Variants in DGKB observed in about 807,000 individuals in gnomAD.
DGKB encodes the protein 90 kDa diacylglycerol kinase.
DGKB carries 67 observed loss-of-function variants against 114.3 expected under a neutral mutation model. The observed-to-expected ratio is 0.59, with a 90% CI of 0.48 to 0.72. The LOEUF (loss-of-function observed/expected upper bound fraction) is 0.72. Ranked by LOEUF, DGKB falls within the 30% of genes least tolerant of loss-of-function variation. The pLI, the probability that DGKB is intolerant of heterozygous loss-of-function variation, is 0.00. For synonymous variants in DGKB, 398 were observed against 323.1 expected, an observed-to-expected ratio of 1.23 and a Z score of -2.49; for missense variants, 907 against 975.2, an observed-to-expected ratio of 0.93 and a Z score of 0.93.
chr7:14,200,458 A>G (rs1023364178), intron 23 of DGKB, among the ~76,000 whole-genome samples: 4 of 152,020 alleles, frequency 2.6e-5, no homozygotes, highest in African/African-American at 9.7e-5. Flanking sequence ...AGCCGTCCTC[A>G]TTTTTACACA....
chr7:14,696,501 C>CAAAA lies in DGKB; in HGVS notation c.591+1590_591+1593dup, dbSNP rs35486620. 3.2e-3 allele frequency among the ~76,000 whole-genome samples: 142 copies of CAAAA among 45,076 alleles called. 3 individuals carry two copies. Among genetic ancestry groups the CAAAA allele is most frequent in the East Asian group, 8.4e-3 (4 of 478 alleles). 29.6% of individuals were successfully genotyped at this position (45,076 alleles called of 152,430 possible). Reference sequence around the variant, plus strand: ...TGGGCGACAGAGCGAGACTCCGTCTCAAAAAAAAAAAAAAAAAAAAAAAAA... The same window carrying CAAAA: ...TGGGCGACAGAGCGAGACTCCGTCTCAAAAAAAAAAAAAAAAAAAAAAAAAAAAA... On this transcript the variant is annotated intron_variant, in intron 8 of 25. Coordinates refer to ENST00000402815, the MANE Select transcript of DGKB (RefSeq NM_001350709.2).
chr7:14,744,962 C>A lies in DGKB; in HGVS notation c.169-8768G>T, dbSNP rs138147704. Among the ~76,000 whole-genome samples the A allele has an allele frequency of 4.9e-3, 745 of 152,246 alleles. 2 individuals carry two copies. Among genetic ancestry groups the A allele is most frequent in the Non-Finnish European group, 8.0e-3 (545 of 68,030 alleles). On this transcript the variant is annotated intron_variant, in intron 4 of 25. Coordinates refer to ENST00000402815, the MANE Select transcript of DGKB (RefSeq NM_001350709.2). The stretch of plus-strand genomic sequence containing the variant: ...AATAATCTGGATCAATATTTTAATT[C>A]TGAGCAGTTATCCTGCTAATCCTGA...
chr7:14,924,750 T>C (rs948706199), intron 1 of DGKB, among the ~76,000 whole-genome samples: 5 of 152,176 alleles, frequency 3.3e-5, no homozygotes, highest in Admixed American at 2.0e-4. Flanking sequence ...TTAAATTTTC[T>C]ATTATGATTA....
At chr7:14,372,471 G>A (rs1366457305) in intron 21 of DGKB, among the ~76,000 whole-genome samples, 1 of 152,066 alleles carries the variant, frequency 6.6e-6, no homozygotes, top group Non-Finnish European at 1.5e-5. Context: ...ATCATAAGTT[G>A]AGGAGCACAT....
intron 20 of DGKB, among the ~76,000 whole-genome samples, chr7:14,553,896 G>T (rs1423872716): frequency 9.8e-5 from 9 of 91,786 alleles, no homozygotes; most frequent in African/African-American, 3.6e-4. Flanking sequence ...TTTTTGAGAC[G>T]GAGTCTCGCT....
chr7:14,327,277 A>T (rs556787336), intron 23 of DGKB, among the ~76,000 whole-genome samples: 1 of 152,272 alleles, frequency 6.6e-6, no homozygotes, highest in East Asian at 1.9e-4. Flanking sequence ...CATATATAAA[A>T]TATTCAGAAG....
chr7:14,353,303 C>T (rs1233213825), intron 21 of DGKB, among the ~76,000 whole-genome samples: 1 of 152,102 alleles, frequency 6.6e-6, no homozygotes. Flanking sequence ...CTGAAATAAG[C>T]CAACTAAAGA....
At chr7:14,257,277 C>T (rs905840563) in intron 23 of DGKB, among the ~76,000 whole-genome samples, 4 of 152,052 alleles carry the variant, frequency 2.6e-5, no homozygotes, top group East Asian at 1.9e-4. Flanking sequence ...TACCTGAACA[C>T]GAAATGCATT....
chr7:14,585,368 A>G (rs1208686987), intron 17 of DGKB, among the ~76,000 whole-genome samples: 1 of 152,174 alleles, frequency 6.6e-6, no homozygotes, highest in Non-Finnish European at 1.5e-5. Context: ...TTTCTAATTT[A>G]CAAAGGTGAG....
At chr7:14,654,667 T>C (rs1815398954) in intron 13 of DGKB, among the ~76,000 whole-genome samples, 1 of 151,994 alleles carries the variant, frequency 6.6e-6, no homozygotes, top group Non-Finnish European at 1.5e-5. Flanking sequence ...ATAGCATTGC[T>C]ATAAAAACTG....
At chr7:14,882,469 A>T (rs142562754) in intron 1 of DGKB, among the ~76,000 whole-genome samples, 17 of 152,070 alleles carry the variant, frequency 1.1e-4, no homozygotes, top group African/African-American at 4.1e-4. Flanking sequence ...AATTTTTGCA[A>T]TACAAGTGCA....
intron 13 of DGKB, among the ~76,000 whole-genome samples, chr7:14,634,076 G>T (rs2128856696): frequency 6.6e-6 from 1 of 151,352 alleles, no homozygotes; most frequent in Admixed American, 6.6e-5. Flanking sequence ...CATTAAAAGG[G>T]TCATTAGTTA....
Position 14,325,260 on chromosome 7 carries a change from G to C in DGKB, c.2122+13255C>G, listed in dbSNP as rs144901605. ...CGTGAACTGGTTGCTGAGGTGATGT[G>C]GTCTCTGTTGCTAGATCAGTGGGGG... On this transcript the variant is annotated intron_variant, in intron 23 of 25. Coordinates refer to ENST00000402815, the MANE Select transcript of DGKB (RefSeq NM_001350709.2). 1.6e-4 allele frequency among the ~76,000 whole-genome samples: 24 copies of C among 152,212 alleles called. 1 individual carries two copies. In the Middle Eastern group the frequency reaches 0.014, roughly 86 times the overall value.
At chr7:14,692,972 T>C (rs1823143161) in intron 9 of DGKB, among the ~76,000 whole-genome samples, 1 of 152,170 alleles carries the variant, frequency 6.6e-6, no homozygotes, top group Non-Finnish European at 1.5e-5. Context: ...CCTAAACCCA[T>C]ATGTGCCAAC....
chr7:14,293,899 T>G (rs1037587721), intron 23 of DGKB, among the ~76,000 whole-genome samples: 1 of 152,212 alleles, frequency 6.6e-6, no homozygotes, highest in Non-Finnish European at 1.5e-5. Context: ...CTCCTCATTT[T>G]TGTTTGCTTT....
intron 20 of DGKB, among the ~76,000 whole-genome samples, chr7:14,502,990 T>G (rs1786441744): frequency 6.6e-6 from 1 of 152,130 alleles, no homozygotes; most frequent in African/African-American, 2.4e-5. Context: ...ACTAGACAGC[T>G]TAACATTTGA....
rs1781585838 is a variant in DGKB, at chr7:14,147,359, G to GTTGA, written c.*1768_*1771dup. On this transcript the variant is annotated 3_prime_UTR_variant, in exon 26 of 26. Coordinates refer to ENST00000402815, the MANE Select transcript of DGKB (RefSeq NM_001350709.2). ...TATTTTTAAAGTAATTAAGCTTATT[G>GTTGA]TTGATTGATATTTACCGTCCAATGT... is the stretch of plus-strand genomic sequence containing the variant. 6.6e-6 allele frequency: 1 copy of GTTGA among 152,048 alleles called. No individual in the cohort carries two copies. Among genetic ancestry groups the GTTGA allele is most frequent in the African/African-American group, 2.4e-5 (1 of 41,410 alleles). The allele number at this position is 152,048 out of a possible 1,614,324, so 9.4% of individuals were successfully genotyped here. A position where few individuals can be genotyped will look rare whatever the true frequency, so the allele number is the denominator to read the frequency against.
chr7:14,747,100 T>C (rs1239043481), intron 4 of DGKB, among the ~76,000 whole-genome samples: 3 of 152,154 alleles, frequency 2.0e-5, no homozygotes, highest in Non-Finnish European at 4.4e-5. Context: ...TTTCTCAAAC[T>C]TCTTCACTGT....
At chr7:14,392,719 C>T (rs1821506171) in intron 21 of DGKB, among the ~76,000 whole-genome samples, 1 of 152,004 alleles carries the variant, frequency 6.6e-6, no homozygotes, top group African/African-American at 2.4e-5. Flanking sequence ...AGAGTTTGGT[C>T]AAATCCTATT....
Sources: allele counts gnomAD v4.1 joint callset (sites outside exome capture counted in the v4.1 genomes callset), GRCh38; gene constraint gnomAD v4.1.1; transcripts MANE v1.5; gene names NCBI Gene and HGNC (gene_info 2026-07-23, HGNC 2026-07-21).